The following NUP214 variants were observed in gnomAD, a reference collection of about 807,000 sequenced individuals.
The protein encoded by NUP214 is nuclear pore complex protein Nup214.
NUP214 carries 79 observed loss-of-function variants against 196.2 expected under a neutral mutation model. The ratio of observed to expected loss-of-function variants is 0.40; its 90% CI spans 0.34 to 0.49. NUP214 has a LOEUF of 0.49. Among genes scored for constraint, NUP214 ranks in the 20% least tolerant of loss-of-function variants. The probability of loss-of-function intolerance (pLI) is 0.58; values close to 1 mark genes in which losing one functional copy is unlikely to be tolerated. For missense variants in NUP214, 2,468 were observed against 2,539.0 expected, an observed-to-expected ratio of 0.97 and a Z score of 0.60; for synonymous variants, 1,020 against 990.5, an observed-to-expected ratio of 1.03 and a Z score of -0.56.
At chr9:131,153,222 T>A (rs1408586215) in intron 17 of NUP214, 1 of 152,186 alleles carries the variant, frequency 6.6e-6, no homozygotes, top group East Asian at 1.9e-4. Context: ...TTCACTGGCA[T>A]CTCTGGTCTT....
At chr9:131,143,002 GA>G (rs1311852557) in intron 11 of NUP214, among the ~76,000 whole-genome samples, 1 of 151,404 alleles carries the variant, frequency 6.6e-6, no homozygotes, top group Non-Finnish European at 1.5e-5. Flanking sequence ...TTGGAAAATA[GA>G]AAAAAAAATT....
At chr9:131,206,274 T>A (rs1341773556) in intron 30 of NUP214, among the ~76,000 whole-genome samples, 1 of 151,338 alleles carries the variant, frequency 6.6e-6, no homozygotes, top group Non-Finnish European at 1.5e-5. Context: ...GCTACCCAAG[T>A]AGCTGAGACT....
chr9:131,154,388 C>T (rs570151120), intron 17 of NUP214, among the ~76,000 whole-genome samples: 1 of 152,024 alleles, frequency 6.6e-6, no homozygotes. Flanking sequence ...TCTCTCCTTT[C>T]CCCCCAAGTC....
At chr9:131,176,333 T>G (rs915836016) in intron 23 of NUP214, among the ~76,000 whole-genome samples, 9 of 151,952 alleles carry the variant, frequency 5.9e-5, no homozygotes, top group Non-Finnish European at 8.8e-5. Context: ...CTTTTTTTTT[T>G]TTTCTTTTGA....
Position 131,164,288 on chromosome 9 carries a change from G to A in NUP214, c.2893+144G>A, listed in dbSNP as rs1832723929. On this transcript the variant is annotated intron_variant, in intron 21 of 35. Coordinates refer to ENST00000359428, the MANE Select transcript of NUP214 (RefSeq NM_005085.4). ...AGTGTGTGTGTGTTGGTTCTTAATAGGGGATAGAGAAAATGTCTCCAGAAT... is the reference window on the plus strand; with the variant it reads ...AGTGTGTGTGTGTTGGTTCTTAATAAGGGATAGAGAAAATGTCTCCAGAAT... 4 of 666,310 alleles carry A rather than the reference G, an allele frequency of 6.0e-6. 1 individual carries two copies. In the South Asian group the frequency reaches 7.3e-5, roughly 12 times the overall value. 41.3% of individuals were successfully genotyped at this position (666,310 alleles called of 1,614,324 possible).
intron 17 of NUP214, among the ~76,000 whole-genome samples, chr9:131,155,630 C>A (rs868167657): frequency 1.3e-5 from 2 of 152,114 alleles, no homozygotes; most frequent in Non-Finnish European, 2.9e-5. Flanking sequence ...TTTAAGTCTT[C>A]GATCCATCTT....
At chr9:131,134,865 T>C (rs780704443) in intron 7 of NUP214, 33 bp from the exon 8 acceptor site, 1 of 1,453,176 alleles carries the variant, frequency 6.9e-7, no homozygotes, top group Non-Finnish European at 9.6e-7. Context: ...AAATTGCACA[T>C]GAGAATTTTT....
rs528818876 is a variant in NUP214, at chr9:131,133,177, A to T, written c.799A>T (p.Thr267Ser). Reference protein sequence around the residue: ...VYAAADGTLETSPDVVMALLP... With the variant: ...VYAAADGTLESSPDVVMALLP... ...TGCTGCTGCAGATGGGACCCTGGAAACGTCTCCAGATGTGGTGATGGCTCT... is the reference window on the plus strand; with the variant it reads ...TGCTGCTGCAGATGGGACCCTGGAATCGTCTCCAGATGTGGTGATGGCTCT... Residue 267 changes from threonine (T) to serine (S), a missense_variant, in exon 7 of 36, where the codon ACG becomes TCG. Physicochemically the swap from Thr to Ser is moderately conservative, Grantham distance 58. Coordinates refer to ENST00000359428, the MANE Select transcript of NUP214 (RefSeq NM_005085.4). The T allele has an allele frequency of 2.5e-6, 4 of 1,594,858 alleles. No homozygotes were observed. The South Asian group carries it at 4.6e-5, about 18-fold the overall frequency.
intron 30 of NUP214, among the ~76,000 whole-genome samples, chr9:131,212,782 G>T (rs1047761125): frequency 6.6e-6 from 1 of 151,896 alleles, no homozygotes; most frequent in African/African-American, 2.4e-5. Flanking sequence ...TGTAGTGATG[G>T]TTTTTTTTAT....
At chr9:131,233,360 A>C in intron 35 of NUP214, 94 bp from the exon 36 acceptor site, 1 of 1,268,424 alleles carries the variant, frequency 7.9e-7, no homozygotes, top group Non-Finnish European at 1.1e-6. Context: ...AAAAAATCTG[A>C]GTCCTGACCT....
intron 18 of NUP214, among the ~76,000 whole-genome samples, chr9:131,161,289 G>A (rs1335168281): frequency 7.1e-6 from 1 of 141,658 alleles, no homozygotes; most frequent in Middle Eastern, 3.6e-3. Context: ...ACTAAGTCTC[G>A]CTGTGTCACC....
Position 131,192,212 on chromosome 9 carries a change from A to G in NUP214, c.3579A>G (p.Thr1193=). ...QLSSGDKASG[T]AKIETAVTST... ...TTTTTTTTTCCATAATTTCAGGGAC[A>G]GCCAAGATAGAAACAGCTGTGACTT... The change falls in exon 27 of 36, where the codon ACA becomes ACG. Residue 1193 remains threonine, a synonymous_variant. Transcript: ENST00000359428. 8.9e-7 allele frequency: 1 copy of G among 1,117,698 alleles called. No individual in the cohort carries two copies. The highest frequency in any genetic ancestry group is 1.8e-5 in the African/African-American group (1 of 55,444). The allele number at this position is 1,117,698 out of a possible 1,614,324, so 69.2% of individuals were successfully genotyped here.
At chr9:131,212,659 G>A (rs1229252521) in intron 30 of NUP214, among the ~76,000 whole-genome samples, 2 of 152,178 alleles carry the variant, frequency 1.3e-5, no homozygotes, top group Admixed American at 1.3e-4. Context: ...GGCTTGAGGA[G>A]AGTCAAGTTA....
At position 131,193,624 on chromosome 9, in the gene NUP214, C is replaced by CTTTTT. The variant is rs1564202971; in HGVS notation, c.3659+1336_3659+1337insTTTTT. 3.4e-4 allele frequency among the ~76,000 whole-genome samples: 6 copies of CTTTTT among 17,662 alleles called. No homozygotes were observed. The East Asian group carries it at 4.2e-3, about 12-fold the overall frequency. The allele number at this position is 17,662 out of a possible 152,430, so 11.6% of individuals were successfully genotyped here. A position where few individuals can be genotyped will look rare whatever the true frequency, so the allele number is the denominator to read the frequency against. On this transcript the variant is annotated intron_variant, in intron 27 of 35. Transcript: ENST00000359428. The stretch of plus-strand genomic sequence containing the variant: ...CTTCTGTGAAATGATATTCTTCTTC[C>CTTTTT]TTTTCTTTTTTTTTTTTTTTTTTTT...
intron 24 of NUP214, among the ~76,000 whole-genome samples, chr9:131,184,047 T>TTTTTTTTTTTTTTTTTTTC (rs1833377762): frequency 6.9e-6 from 1 of 145,560 alleles, no homozygotes; most frequent in Non-Finnish European, 1.5e-5. Flanking sequence ...TTTTTTTTTT[T>TTTTTTTTTTTTTTTTTTTC]TGAGATGGAG....
intron 17 of NUP214, among the ~76,000 whole-genome samples, chr9:131,154,430 A>ATCTG (rs530889114): frequency 5.9e-4 from 89 of 152,040 alleles, no homozygotes; most frequent in African/African-American, 1.3e-3. Context: ...CTGTCTATCT[A>ATCTG]TCTGTCTGTC....
intron 11 of NUP214, among the ~76,000 whole-genome samples, chr9:131,144,015 A>T (rs1832007751): frequency 1.3e-5 from 2 of 152,214 alleles, no homozygotes; most frequent in Admixed American, 6.5e-5. Context: ...GCAGTGACTG[A>T]ACTGTTTTGT....
chr9:131,147,663 C>T (rs1832124008), intron 14 of NUP214, 79 bp downstream of exon 14: 1 of 1,099,624 alleles, frequency 9.1e-7, no homozygotes, highest in African/African-American at 1.6e-5. Flanking sequence ...AATGAGTTTT[C>T]ATGTTTTATA....
At chr9:131,139,255 C>CTTTTTTTTTTTTTTTTTTTTT (rs200377608) in intron 9 of NUP214, 26 bp from the exon 10 acceptor site, 6 of 1,093,098 alleles carry the variant, frequency 5.5e-6, no homozygotes, top group East Asian at 3.9e-5. Flanking sequence ...TCTTCTTCTT[C>CTTTTTTTTTTTTTTTTTTTTT]TTTTTTTTTT....
Sources: allele counts gnomAD v4.1 joint callset (sites outside exome capture counted in the v4.1 genomes callset), GRCh38; gene constraint gnomAD v4.1.1; transcripts MANE v1.5; gene names NCBI Gene and HGNC (gene_info 2026-07-23, HGNC 2026-07-21).